DEF8: variants seen among roughly 807,000 people sequenced by gnomAD.
DEF8 encodes the protein DEF-8.
A neutral mutation model predicts 59.1 loss-of-function variants in DEF8; 38 were observed. The observed-to-expected ratio is 0.64, with a 90% CI of 0.50 to 0.84. The LOEUF (loss-of-function observed/expected upper bound fraction) is 0.84, where lower values mean the gene tolerates loss of function less well. Ranked by LOEUF, DEF8 falls within the 40% of genes least tolerant of loss-of-function variation. DEF8 has a pLI of 0.00. For missense variants in DEF8, 557 were observed against 615.2 expected, an observed-to-expected ratio of 0.91 and a Z score of 1.00; for synonymous variants, 265 against 250.1, an observed-to-expected ratio of 1.06 and a Z score of -0.56.
intron 2 of DEF8, among the ~76,000 whole-genome samples, chr16:89,953,490 G>A (rs528770826): frequency 8.2e-4 from 125 of 152,322 alleles, no homozygotes; most frequent in Middle Eastern, 3.4e-3. Flanking sequence ...AGGCCCTTCC[G>A]GCCTGTTTCC....
At chr16:89,955,148 C>T in intron 3 of DEF8, 21 bp from the exon 4 acceptor site, 1 of 1,598,976 alleles carries the variant, frequency 6.3e-7, no homozygotes. Context: ...ACGCTCCACA[C>T]CTGTCCCCGT....
intron 2 of DEF8, chr16:89,949,999 G>C (rs540310058): frequency 2.9e-6 from 3 of 1,035,744 alleles, no homozygotes; most frequent in Non-Finnish European, 3.5e-6. Context: ...TCCCCTGCCC[G>C]TGCGCCAGGC....
chr16:89,965,561 G>A (rs748691614), intron 12 of DEF8, among the ~76,000 whole-genome samples: 10 of 152,208 alleles, frequency 6.6e-5, no homozygotes, highest in Non-Finnish European at 1.5e-4. Flanking sequence ...GGTGGGAATC[G>A]TGAGGAAGGG....
In DEF8 at chr16:89,964,360, G is replaced by C. The variant is rs533506327; in HGVS notation, c.1143+50G>C. ...CTTCTCCAACCCCAGCCCTGAGGGG[G>C]GATTGGCAGGAGAAGCAGCCCAGCC... is the stretch of plus-strand genomic sequence containing the variant. On this transcript the variant is annotated intron_variant, in intron 11 of 12. Transcript: ENST00000563594. 2.3e-4 allele frequency: 355 copies of C among 1,546,718 alleles called. 1 individual carries two copies. Among genetic ancestry groups the C allele is most frequent in the Non-Finnish European group, 2.9e-4 (330 of 1,146,550 alleles).
Position 89,960,931 on chromosome 16 carries a change from G to T in DEF8, c.515G>T (p.Gly172Val). 2 of 1,613,270 alleles carry T rather than the reference G, an allele frequency of 1.2e-6. No homozygotes were observed. The highest frequency in any genetic ancestry group is 1.7e-6 in the Non-Finnish European group (2 of 1,179,782). ...AGAAGTGTGTGTCCCTCCACCCTAGGGTGTTATTACCGCTGTCACAGTAAG... is the reference window on the plus strand; with the variant it reads ...AGAAGTGTGTGTCCCTCCACCCTAGTGTGTTATTACCGCTGTCACAGTAAG... ...GLIQTWYTCT[G>V]CYYRCHSKCL... is the part of the protein sequence containing the mutation. The change falls in exon 7 of 13, where the codon GGG becomes GTG. Residue 172 changes from glycine (G) to valine (V), a missense_variant and splice_region_variant. By Grantham distance (109) the Gly-to-Val change is moderately radical. Transcript: ENST00000563594.
intron 6 of DEF8, 62 bp downstream of exon 6, chr16:89,959,217 G>C: frequency 6.2e-7 from 1 of 1,608,330 alleles, no homozygotes; most frequent in African/African-American, 1.3e-5. Flanking sequence ...GCCTCCGCTG[G>C]GCTCACATTC....
chr16:89,961,642 A>G (rs2034037386), intron 7 of DEF8, 95 bp from the exon 8 acceptor site: 7 of 1,494,098 alleles, frequency 4.7e-6, no homozygotes, highest in African/African-American at 1.4e-5. Flanking sequence ...TGTCTCCCCG[A>G]GGGCTGTGGT....
chr16:89,950,334 T>C (rs914729804), intron 2 of DEF8: 5 of 985,216 alleles, frequency 5.1e-6, no homozygotes, highest in Non-Finnish European at 4.8e-6. Flanking sequence ...AGAAAGTAGG[T>C]GTTCCCCCTG....
chr16:89,949,964 G>C (rs1177197001), intron 2 of DEF8: 3 of 961,994 alleles, frequency 3.1e-6, no homozygotes, highest in African/African-American at 1.7e-5. Flanking sequence ...CTAAGGCTGC[G>C]AGGCCAGCGG....
intron 9 of DEF8, 51 bp from the exon 10 acceptor site, chr16:89,963,312 C>T (rs761612204): frequency 6.5e-7 from 1 of 1,548,160 alleles, no homozygotes; most frequent in South Asian, 1.2e-5. Context: ...CACACAGGGG[C>T]CGCCCTGTGT....
rs561824374 is a variant in DEF8, at chr16:89,961,959, G to T, written c.808-53G>T. 16 of 1,608,206 alleles carry T rather than the reference G, an allele frequency of 9.9e-6. No individual in the cohort carries two copies. The African/African-American group carries it at 2.1e-4, about 21-fold the overall frequency. Reference sequence around the variant, plus strand: ...GTGTACCCCTGGTTGGGTGTTGCCCGCTGCACGGGCCCTGGGTGGGTGTGA... The same window carrying T: ...GTGTACCCCTGGTTGGGTGTTGCCCTCTGCACGGGCCCTGGGTGGGTGTGA... On this transcript the variant is annotated intron_variant, in intron 8 of 12. Coordinates refer to ENST00000563594, the MANE Select transcript of DEF8 (RefSeq NM_001242818.2).
At chr16:89,955,019 G>C in intron 3 of DEF8, 150 bp from the exon 4 acceptor site, 3 of 627,998 alleles carry the variant, frequency 4.8e-6, no homozygotes, top group Middle Eastern at 4.3e-4. Context: ...ACGGTGTGCA[G>C]ATCTGAGTGG....
Position 89,965,957 on chromosome 16 carries a change from G to A in DEF8, c.1350G>A (p.Glu450=), listed in dbSNP as rs749846181. ...TCCAGGAGCCAGGTCCCGATGTGGA[G>A]GCCTAGCGCCGAGGAACAGTGCTGG... ...SLFQEPGPDV[E]A Residue 450 remains glutamate, a synonymous_variant, in exon 13 of 13, where the codon GAG becomes GAA. Coordinates refer to ENST00000563594, the MANE Select transcript of DEF8 (RefSeq NM_001242818.2). 18 of 1,612,190 alleles carry A rather than the reference G, an allele frequency of 1.1e-5. No individual in the cohort carries two copies. Among genetic ancestry groups the A allele is most frequent in the Non-Finnish European group, 1.4e-5 (17 of 1,179,008 alleles).
rs1265976260 is a variant in DEF8, at chr16:89,967,160, T to C, written c.*1197T>C. On this transcript the variant is annotated 3_prime_UTR_variant, in exon 13 of 13. Transcript: ENST00000563594. ...GACGTGGCTTCCCAGCCTTCTGCCT[T>C]GGGCAGTGGGGGTGCTCCTGTCTGT... The C allele has an allele frequency of 1.3e-5, 5 of 397,560 alleles. No individual in the cohort carries two copies. Among genetic ancestry groups the C allele is most frequent in the African/African-American group, 6.2e-5 (3 of 48,628 alleles). The allele number at this position is 397,560 out of a possible 1,614,324, so 24.6% of individuals were successfully genotyped here.
At chr16:89,957,438 C>T (rs1278199954) in intron 4 of DEF8, 73 bp from the exon 5 acceptor site, 1 of 1,483,446 alleles carries the variant, frequency 6.7e-7, no homozygotes, top group African/African-American at 1.4e-5. Flanking sequence ...CTGGGCCTGT[C>T]TCGGCGGATG....
At chr16:89,961,345 C>T (rs142359235) in intron 7 of DEF8, among the ~76,000 whole-genome samples, 19 of 152,300 alleles carry the variant, frequency 1.2e-4, no homozygotes, top group African/African-American at 4.6e-4. Flanking sequence ...TGGGACCTGG[C>T]CTCCGCCTCC....
chr16:89,960,101 C>T (rs906091229), intron 6 of DEF8, among the ~76,000 whole-genome samples: 3 of 152,182 alleles, frequency 2.0e-5, no homozygotes, highest in Non-Finnish European at 4.4e-5. Context: ...GGTGGGGCTG[C>T]AGTTCTGTTT....
chr16:89,961,911 A>C (rs369419652), intron 8 of DEF8, 47 bp downstream of exon 8: 4 of 1,598,246 alleles, frequency 2.5e-6, no homozygotes, highest in Non-Finnish European at 3.4e-6. Context: ...GGAGAGCAGG[A>C]AGGGGGTTGG....
rs762394914 is a variant in DEF8, at chr16:89,962,027, A to G, written c.823A>G (p.Met275Val). 1.9e-6 allele frequency: 3 copies of G among 1,614,050 alleles called. No homozygotes were observed. Among genetic ancestry groups the G allele is most frequent in the Admixed American group, 1.7e-5 (1 of 60,026 alleles). ...TGCCTGGCAGGTTTCTCGCTGCAGC[A>G]TGCGCTACCTGGCGCTGATGGTGTC... ...FEPRKVSRCS[M>V]RYLALMVSRP... Residue 275 changes from methionine to valine, a missense_variant, in exon 9 of 13, where the codon ATG (methionine) becomes GTG (valine). Met to Val is a conservative substitution (Grantham distance 21). Transcript: ENST00000563594.
Sources: allele counts gnomAD v4.1 joint callset (sites outside exome capture counted in the v4.1 genomes callset), GRCh38; gene constraint gnomAD v4.1.1; transcripts MANE v1.5; gene names NCBI Gene and HGNC (gene_info 2026-07-23, HGNC 2026-07-21).